The following OBI1 variants were observed in gnomAD, a reference collection of about 807,000 sequenced individuals.
OBI1 encodes the protein ring finger protein 219.
A neutral mutation model predicts 62.4 loss-of-function variants in OBI1; 59 were observed. The ratio of observed to expected loss-of-function variants is 0.95; its 90% CI spans 0.77 to 1.17. The LOEUF (loss-of-function observed/expected upper bound fraction) is 1.17. Among genes scored for constraint, OBI1 ranks in the 50% most tolerant of loss-of-function variants. The pLI is 0.00. For missense variants in OBI1, 875 were observed against 830.9 expected (o/e 1.05, Z -0.65); for synonymous variants, 302 against 292.8 (o/e 1.03, Z -0.32).
At chr13:78,635,232 G>T in intron 4 of OBI1, 34 bp from the exon 5 acceptor site, 1 of 1,308,562 alleles carries the variant, frequency 7.6e-7, no homozygotes, top group Non-Finnish European at 1.1e-6. Flanking sequence ...GTAAGCAAAA[G>T]CTACAATAAA....
chr13:78,659,025 G>A, intron 1 of OBI1, 24 bp downstream of exon 1: 14 of 1,607,008 alleles, frequency 8.7e-6, no homozygotes, highest in Non-Finnish European at 1.2e-5. Flanking sequence ...CCGTTTTGTA[G>A]CTGTGCCCAC....
At chr13:78,622,537 A>G (rs1217286264) in intron 5 of OBI1, among the ~76,000 whole-genome samples, 1 of 152,228 alleles carries the variant, frequency 6.6e-6, no homozygotes, top group Admixed American at 6.5e-5. Context: ...CTACATAGCC[A>G]TAGTAGCTTC....
rs1356643295 is a variant in OBI1, at chr13:78,644,923, A to G, written c.147T>C (p.Asn49=). 6.2e-7 allele frequency: 1 copy of G among 1,614,050 alleles called. No homozygotes were observed. The change falls in exon 2 of 6, where the codon AAT becomes AAC. Residue 49 remains asparagine, a synonymous_variant. Coordinates refer to ENST00000282003, the MANE Select transcript of OBI1 (RefSeq NM_024546.4). The stretch of plus-strand genomic sequence containing the variant: ...GGACTCTGCAAGCTGGACACTGGCT[A>G]TTATTCTTCAACCACAAATCAATAC... ...SICIDLWLKN[N]SQCPACRVPI...
intron 1 of OBI1, 118 bp downstream of exon 1, chr13:78,658,931 G>T: frequency 1.2e-6 from 1 of 820,348 alleles, no homozygotes; most frequent in Non-Finnish European, 2.0e-6. Context: ...GCGGGTTAGC[G>T]TTTTCTCCCA....
Position 78,640,839 on chromosome 13 carries a change from T to C in OBI1, c.300+1283A>G, listed in dbSNP as rs116261037. Among the ~76,000 whole-genome samples the C allele has an allele frequency of 4.4e-3, 674 of 152,284 alleles. 8 individuals carry two copies. Among genetic ancestry groups the C allele is most frequent in the African/African-American group, 0.015 (625 of 41,560 alleles). ...AGGATTGTTAGGGTTTTGATATTTA[T>C]ACTTTCACTTCTATATTTGAAGTAT... On this transcript the variant is annotated intron_variant, in intron 3 of 5. Coordinates refer to ENST00000282003, the MANE Select transcript of OBI1 (RefSeq NM_024546.4).
chr13:78,622,281 A>C (rs1384885682), intron 5 of OBI1, among the ~76,000 whole-genome samples: 1 of 150,212 alleles, frequency 6.7e-6, no homozygotes, highest in Non-Finnish European at 1.5e-5. Flanking sequence ...TGTCTCTCCA[A>C]AAAAAAAAAT....
intron 5 of OBI1, among the ~76,000 whole-genome samples, chr13:78,624,236 CAG>C (rs1375269830): frequency 8.5e-5 from 13 of 152,050 alleles, no homozygotes; most frequent in Non-Finnish European, 1.6e-4. Flanking sequence ...TATCACAAAA[CAG>C]AAAGTGTTCC....
intron 4 of OBI1, among the ~76,000 whole-genome samples, chr13:78,636,614 G>T (rs903698061): frequency 6.6e-6 from 1 of 152,106 alleles, no homozygotes; most frequent in South Asian, 2.1e-4. Context: ...ACCCATCCAG[G>T]TTCCCTCTGG....
intron 2 of OBI1, 50 bp from the exon 3 acceptor site, chr13:78,642,263 A>G: frequency 8.7e-7 from 1 of 1,154,308 alleles, no homozygotes; most frequent in Non-Finnish European, 1.3e-6. Flanking sequence ...ATTCGGGAAG[A>G]ATGAAAATGA....
rs971325720 is a variant in OBI1, at chr13:78,615,389, G to A, written c.*191C>T. On this transcript the variant is annotated 3_prime_UTR_variant, in exon 6 of 6. Transcript: ENST00000282003. ...GTCACAAAGACTCCCAAATAAAAATGAAAAGAACAAAGTCTTTTCAAAATG... is the reference window on the plus strand; with the variant it reads ...GTCACAAAGACTCCCAAATAAAAATAAAAAGAACAAAGTCTTTTCAAAATG... The A allele has an allele frequency of 4.8e-6, 2 of 420,878 alleles. No individual in the cohort carries two copies. Among genetic ancestry groups the A allele is most frequent in the Admixed American group, 8.0e-5 (2 of 25,032 alleles). The allele number at this position is 420,878 out of a possible 1,614,324, so 26.1% of individuals were successfully genotyped here.
intron 5 of OBI1, among the ~76,000 whole-genome samples, chr13:78,623,965 C>G (rs1418857728): frequency 6.6e-6 from 1 of 152,080 alleles, no homozygotes; most frequent in African/African-American, 2.4e-5. Flanking sequence ...AATATTTAAC[C>G]AGAGATATAA....
intron 5 of OBI1, among the ~76,000 whole-genome samples, chr13:78,630,285 C>A (rs9601102): frequency 0.38 from 57,630 of 151,868 alleles, 11,373 homozygotes; most frequent in African/African-American, 0.44. Flanking sequence ...TTAATATAAA[C>A]AATTCTAACC....
intron 1 of OBI1, among the ~76,000 whole-genome samples, chr13:78,646,363 A>C (rs923128036): frequency 6.6e-6 from 1 of 152,224 alleles, no homozygotes; most frequent in Non-Finnish European, 1.5e-5. Context: ...AGGTCTGTTG[A>C]ATGATTAACT....
chr13:78,616,787 G>T lies in OBI1; in HGVS notation c.974C>A (p.Ser325Tyr), dbSNP rs1875311220. The T allele has an allele frequency of 6.2e-7, 1 of 1,614,066 alleles. No individual in the cohort carries two copies. Among genetic ancestry groups the T allele is most frequent in the Non-Finnish European group, 8.5e-7 (1 of 1,180,036 alleles). ...PSSSRLCDTS[S>Y]ARQESTSKAD... ...TTTGCTGGTACTTTCCTGCCTTGCA[G>T]AACTGGTGTCACACAGTCTGCTGCT... The change falls in exon 6 of 6, where the codon TCT (serine) becomes TAT (tyrosine). Residue 325 changes from serine to tyrosine, a missense_variant. Coordinates refer to ENST00000282003, the MANE Select transcript of OBI1 (RefSeq NM_024546.4).
At position 78,616,440 on chromosome 13, in the gene OBI1, C is replaced by A. The variant is rs773656640; in HGVS notation, c.1321G>T (p.Asp441Tyr). ...FCDSSNVSNK[D>Y]SSEDDISRSE... ...CTACTTATATCATCTTCTGAAGAAT[C>A]TTTATTAGAAACATTTGAAGAATCA... The change falls in exon 6 of 6, where the codon GAT (aspartate) becomes TAT (tyrosine). Residue 441 changes from aspartate to tyrosine, a missense_variant. Coordinates refer to ENST00000282003, the MANE Select transcript of OBI1 (RefSeq NM_024546.4). 6.2e-7 allele frequency: 1 copy of A among 1,613,282 alleles called. No homozygotes were observed. Among genetic ancestry groups the A allele is most frequent in the Non-Finnish European group, 8.5e-7 (1 of 1,179,868 alleles).
intron 5 of OBI1, among the ~76,000 whole-genome samples, chr13:78,625,032 G>A (rs1875625536): frequency 6.6e-6 from 1 of 152,074 alleles, no homozygotes; most frequent in African/African-American, 2.4e-5. Context: ...TATTCTATTT[G>A]ACAAATATAT....
chr13:78,639,069 GT>G lies in OBI1; in HGVS notation c.302del (p.Asp101AlafsTer3), dbSNP rs1435533373. 1 of 1,611,060 alleles carries G rather than the reference GT, an allele frequency of 6.2e-7. No homozygotes were observed. Among genetic ancestry groups the G allele is most frequent in the African/African-American group, 1.3e-5 (1 of 74,688 alleles). ...RLELLHKEYE[D>X]EIDCLQKEVE... ...CTTCTTTCTGTAAACAATCTATTTC[GT>G]CCTGAAAAAGCATTGCATAGTCATG... is the stretch of plus-strand genomic sequence containing the variant. On this transcript the variant is annotated frameshift_variant and splice_region_variant, in exon 4 of 6. Transcript: ENST00000282003. LOFTEE classifies it high-confidence loss of function.
chr13:78,655,344 C>CA (rs56255445), intron 1 of OBI1, among the ~76,000 whole-genome samples: 6 of 151,046 alleles, frequency 4.0e-5, no homozygotes, highest in South Asian at 2.1e-4. Flanking sequence ...AACAAACAAA[C>CA]AAAAAAAAAA....
chr13:78,633,531 T>C (rs1426417441), intron 5 of OBI1, among the ~76,000 whole-genome samples: 1 of 152,156 alleles, frequency 6.6e-6, no homozygotes, highest in Admixed American at 6.5e-5. Context: ...AGTCCAGTGG[T>C]TGGATGGGAA....
Sources: allele counts gnomAD v4.1 joint callset (sites outside exome capture counted in the v4.1 genomes callset), GRCh38; gene constraint gnomAD v4.1.1; transcripts MANE v1.5; gene names NCBI Gene and HGNC (gene_info 2026-07-23, HGNC 2026-07-21).